NUMB: variants seen among roughly 807,000 people sequenced by gnomAD.
NUMB encodes NUMB endocytic adaptor protein.
In NUMB, 29 loss-of-function variants were observed where a neutral mutation model predicts 59.7. The observed-to-expected ratio is 0.49, with a 90% CI of 0.36 to 0.66. NUMB has a LOEUF of 0.66. Ranked by LOEUF, NUMB falls within the 30% of genes least tolerant of loss-of-function variation. The pLI is 0.00. For synonymous variants in NUMB, 288 were observed against 288.2 expected, an observed-to-expected ratio of 1.00 and a Z score of 0.01; for missense variants, 723 against 822.0, an observed-to-expected ratio of 0.88 and a Z score of 1.47.
At chr14:73,363,657 A>G (rs1422855754) in intron 3 of NUMB, among the ~76,000 whole-genome samples, 1 of 152,140 alleles carries the variant, frequency 6.6e-6, no homozygotes, top group Non-Finnish European at 1.5e-5. Flanking sequence ...AGATGCAAAA[A>G]TCGTTAACAG....
rs991548226 is a variant in NUMB at position 73,432,470 on chromosome 14, G to A, written c.-232-22402C>T. 2.3e-4 allele frequency among the ~76,000 whole-genome samples: 35 copies of A among 151,600 alleles called. 1 individual carries two copies. The highest frequency in any genetic ancestry group is 9.2e-4 in the Admixed American group (14 of 15,212). On this transcript the variant is annotated intron_variant, in intron 1 of 12. Transcript: ENST00000555238. ...TTATTTTGTATATTTAAAAAATAAC[G>A]TACTCATTATTCACTATAATTTTTA...
intron 5 of NUMB, among the ~76,000 whole-genome samples, chr14:73,316,785 A>C (rs1891107068): frequency 6.6e-6 from 1 of 152,266 alleles, no homozygotes; most frequent in South Asian, 2.1e-4. Flanking sequence ...TTTGCATTTT[A>C]AATTTTATAA....
intron 11 of NUMB, among the ~76,000 whole-genome samples, chr14:73,279,679 G>T (rs1888478304): frequency 6.6e-6 from 1 of 152,230 alleles, no homozygotes; most frequent in Non-Finnish European, 1.5e-5. Flanking sequence ...TGTGCATGGG[G>T]AGTGGGGAAA....
chr14:73,293,960 A>G (rs1889581984), intron 7 of NUMB, among the ~76,000 whole-genome samples: 1 of 152,258 alleles, frequency 6.6e-6, no homozygotes, highest in African/African-American at 2.4e-5. Flanking sequence ...TCTGTCTGCT[A>G]ATTCCAACAT....
At chr14:73,349,615 C>T (rs1285474465) in intron 4 of NUMB, among the ~76,000 whole-genome samples, 2 of 148,302 alleles carry the variant, frequency 1.3e-5, no homozygotes, top group South Asian at 4.3e-4. Context: ...CGCGGTGGCT[C>T]ACACCTGTAA....
At chr14:73,347,652 T>C (rs1892987233) in intron 4 of NUMB, among the ~76,000 whole-genome samples, 1 of 152,222 alleles carries the variant, frequency 6.6e-6, no homozygotes, top group African/African-American at 2.4e-5. Context: ...TTGATCTCTT[T>C]ACAACATTTG....
At chr14:73,396,899 G>A (rs1896164153) in intron 2 of NUMB, among the ~76,000 whole-genome samples, 1 of 152,170 alleles carries the variant, frequency 6.6e-6, no homozygotes, top group South Asian at 2.1e-4. Context: ...GAGTTGGGCA[G>A]ATCACTTGAA....
At chr14:73,440,268 T>C (rs904634490) in intron 1 of NUMB, among the ~76,000 whole-genome samples, 3 of 150,764 alleles carry the variant, frequency 2.0e-5, no homozygotes, top group Admixed American at 6.6e-5. Flanking sequence ...TCTATAGATA[T>C]CCATATATAT....
intron 1 of NUMB, among the ~76,000 whole-genome samples, chr14:73,438,380 C>T (rs1898144688): frequency 6.6e-6 from 1 of 151,990 alleles, no homozygotes; most frequent in African/African-American, 2.4e-5. Context: ...CCTTTAATCC[C>T]AGCACTTTGG....
intron 2 of NUMB, among the ~76,000 whole-genome samples, chr14:73,379,843 C>G (rs935811837): frequency 1.3e-5 from 2 of 152,016 alleles, no homozygotes; most frequent in Admixed American, 1.3e-4. Context: ...GAAAGAAAGC[C>G]GAATGTTTCA....
At chr14:73,448,874 A>T (rs1033715301) in intron 1 of NUMB, among the ~76,000 whole-genome samples, 1 of 152,166 alleles carries the variant, frequency 6.6e-6, no homozygotes, top group Non-Finnish European at 1.5e-5. Context: ...CCAGGACCCC[A>T]TGGATACCAA....
chr14:73,394,341 C>T (rs1338414130), intron 2 of NUMB, among the ~76,000 whole-genome samples: 1 of 151,192 alleles, frequency 6.6e-6, no homozygotes, highest in African/African-American at 2.4e-5. Flanking sequence ...ACATATCCAT[C>T]ACCTCACATA....
At chr14:73,290,904 G>A (rs538322477) in intron 8 of NUMB, among the ~76,000 whole-genome samples, 1 of 152,192 alleles carries the variant, frequency 6.6e-6, no homozygotes, top group South Asian at 2.1e-4. Context: ...GATTTGAAAT[G>A]CTCAACTTAT....
At chr14:73,379,027 A>G (rs1197637162) in intron 2 of NUMB, among the ~76,000 whole-genome samples, 4 of 152,156 alleles carry the variant, frequency 2.6e-5, no homozygotes, top group Non-Finnish European at 5.9e-5. Flanking sequence ...TCCTCTTAAA[A>G]ATAAAGTCTA....
At chr14:73,382,727 A>G (rs1212600988) in intron 2 of NUMB, among the ~76,000 whole-genome samples, 2 of 152,248 alleles carry the variant, frequency 1.3e-5, no homozygotes, top group Non-Finnish European at 2.9e-5. Context: ...GAACAGTATC[A>G]TCATAAAGAG....
intron 1 of NUMB, among the ~76,000 whole-genome samples, chr14:73,440,273 A>G (rs555450735): frequency 6.6e-6 from 1 of 151,642 alleles, no homozygotes; most frequent in South Asian, 2.1e-4. Flanking sequence ...AGATATCCAT[A>G]TATATATACA....
At chr14:73,387,804 G>T (rs1293549091) in intron 2 of NUMB, among the ~76,000 whole-genome samples, 1 of 150,748 alleles carries the variant, frequency 6.6e-6, no homozygotes, top group African/African-American at 2.4e-5. Flanking sequence ...TAGCTATTTT[G>T]ATTTAAATTA....
intron 2 of NUMB, among the ~76,000 whole-genome samples, chr14:73,374,428 T>G (rs61985811): frequency 6.6e-6 from 1 of 152,186 alleles, no homozygotes; most frequent in African/African-American, 2.4e-5. Context: ...GGTCCAAGGA[T>G]AGCCCACAGG....
chr14:73,411,030 G>A (rs1896871728), intron 1 of NUMB, among the ~76,000 whole-genome samples: 1 of 152,140 alleles, frequency 6.6e-6, no homozygotes, highest in Non-Finnish European at 1.5e-5. Flanking sequence ...ATGATAGGAT[G>A]GATTTTGTTT....
Sources: allele counts gnomAD v4.1 joint callset (sites outside exome capture counted in the v4.1 genomes callset), GRCh38; gene constraint gnomAD v4.1.1; transcripts MANE v1.5; gene names NCBI Gene and HGNC (gene_info 2026-07-23, HGNC 2026-07-21).